Variants in KCTD15 observed in about 807,000 individuals in gnomAD.
KCTD15 encodes the protein BTB/POZ domain-containing protein KCTD15.
KCTD15 carries 11 observed loss-of-function variants against 27.2 expected under a neutral mutation model. The ratio of observed to expected loss-of-function variants is 0.41; its 90% confidence interval spans 0.25 to 0.67. The LOEUF (loss-of-function observed/expected upper bound fraction) is 0.67. Ranked by LOEUF, KCTD15 falls within the 30% of genes least tolerant of loss-of-function variation. KCTD15 has a pLI of 0.35. For synonymous variants in KCTD15, 163 were observed against 176.0 expected (o/e 0.93, Z 0.58); for missense variants, 350 against 409.3 (o/e 0.86, Z 1.25).
At chr19:33,808,375 A>G (rs371135586) in intron 5 of KCTD15, among the ~76,000 whole-genome samples, 45 of 151,190 alleles carry the variant, frequency 3.0e-4, no homozygotes, top group African/African-American at 1.1e-3. Flanking sequence ...CTTGAAGTCC[A>G]TGTGACCTGG....
intron 1 of KCTD15, chr19:33,797,427 C>G (rs1300012056): frequency 6.6e-6 from 3 of 453,986 alleles, no homozygotes; most frequent in Non-Finnish European, 1.3e-5. Flanking sequence ...CCCGGCTTGG[C>G]GCCCAAAATC....
At chr19:33,805,873 A>T (rs1975694667) in intron 4 of KCTD15, among the ~76,000 whole-genome samples, 3 of 152,180 alleles carry the variant, frequency 2.0e-5, no homozygotes, top group African/African-American at 7.2e-5. Context: ...CCTGGCTCTG[A>T]GGCCTGGCTC....
At chr19:33,810,219 GTC>G (rs1216040910) in intron 5 of KCTD15, among the ~76,000 whole-genome samples, 2 of 152,206 alleles carry the variant, frequency 1.3e-5, no homozygotes, top group Middle Eastern at 3.2e-3. Context: ...CTGAGGGACA[GTC>G]TGTGCGAGGC....
At chr19:33,796,784 C>G (rs1189404943), upstream of KCTD15, 1 of 108,576 alleles carries the variant, frequency 9.2e-6, no homozygotes, top group African/African-American at 3.6e-5. Context: ...CCCGGCGCGC[C>G]GCGCCGCGAG....
In KCTD15 at chr19:33,813,479, ACCAGCTGCCTGGCATTCAGGC is replaced by A. The variant is rs1378599979; in HGVS notation, c.*536_*556del. On this transcript the variant is annotated 3_prime_UTR_variant, in exon 7 of 7. Coordinates refer to ENST00000683859, the MANE Select transcript of KCTD15 (RefSeq NM_001129994.2). ...GACGTGCAGCATGGCTGCAGGGTGG[ACCAGCTGCCTGGCATTCAGGC>A]CCAGATGCCTGCAGGGCTGGGGCTC... 1 of 440,262 alleles carries A rather than the reference ACCAGCTGCCTGGCATTCAGGC, an allele frequency of 2.3e-6. No individual in the cohort carries two copies. Among genetic ancestry groups the A allele is most frequent in the African/African-American group, 2.0e-5 (1 of 49,440 alleles). The allele number at this position is 440,262 out of a possible 1,614,324, so 27.3% of individuals were successfully genotyped here.
At chr19:33,803,198 A>G (rs1241638351) in intron 4 of KCTD15, among the ~76,000 whole-genome samples, 1 of 152,084 alleles carries the variant, frequency 6.6e-6, no homozygotes, top group African/African-American at 2.4e-5. Flanking sequence ...GTAGGCCTGA[A>G]GCTTTGGACT....
chr19:33,811,508 A>G lies in KCTD15; in HGVS notation c.649A>G (p.Ile217Val), dbSNP rs750989814. 5 of 1,610,658 alleles carry G rather than the reference A, an allele frequency of 3.1e-6. No homozygotes were observed. The East Asian group carries it at 1.1e-4, about 36-fold the overall frequency. ...AGWNQDPTHV[I>V]RFPLNGYCRL... ...CTGGAACCAGGACCCCACGCACGTC[A>G]TCCGCTTCCCGCTCAATGGCTACTG... is the stretch of plus-strand genomic sequence containing the variant. The change falls in exon 6 of 7, where the codon ATC becomes GTC. Residue 217 changes from isoleucine to valine, a missense_variant. Ile to Val is a conservative substitution (Grantham distance 29, BLOSUM62 3). This residue lies in a region of KCTD15 where 219 missense variants were observed against 234.9 expected (regional missense o/e 0.93). Transcript: ENST00000683859.
chr19:33,812,502 T>C, intron 6 of KCTD15: 2 of 1,218,824 alleles, frequency 1.6e-6, no homozygotes, highest in African/African-American at 1.6e-5. Context: ...AAGCCTCTTT[T>C]TGCCTCCCGG....
At chr19:33,801,926 G>C (rs978264956) in intron 4 of KCTD15, among the ~76,000 whole-genome samples, 1 of 152,170 alleles carries the variant, frequency 6.6e-6, no homozygotes, top group African/African-American at 2.4e-5. Flanking sequence ...GCAGTGACTA[G>C]CTAGGAATGA....
chr19:33,806,894 A>G lies in KCTD15; in HGVS notation c.274A>G (p.Ile92Val), dbSNP rs1375742894. ...ISRLFNGTEP[I>V]VLDSLKQHYF... ...CCGCCTCTTCAATGGCACTGAACCC[A>G]TCGTCCTGGACAGTTTGAAGCAACA... The change falls in exon 5 of 7, where the codon ATC becomes GTC. Residue 92 changes from isoleucine (I) to valine (V), a missense_variant. Coordinates refer to ENST00000683859, the MANE Select transcript of KCTD15 (RefSeq NM_001129994.2). The G allele has an allele frequency of 5.6e-6, 9 of 1,614,030 alleles. No individual in the cohort carries two copies. Among genetic ancestry groups the G allele is most frequent in the Non-Finnish European group, 7.6e-6 (9 of 1,180,010 alleles).
chr19:33,803,863 A>C (rs971359306), intron 4 of KCTD15, among the ~76,000 whole-genome samples: 5 of 151,858 alleles, frequency 3.3e-5, no homozygotes, highest in African/African-American at 1.2e-4. Flanking sequence ...AAAAGGAAAT[A>C]AACGAGAAGA....
chr19:33,797,426 G>A (rs1391598769), intron 1 of KCTD15: 3 of 454,298 alleles, frequency 6.6e-6, no homozygotes, highest in Non-Finnish European at 1.3e-5. Context: ...TCCCGGCTTG[G>A]CGCCCAAAAT....
chr19:33,807,475 G>A (rs1192552157), intron 5 of KCTD15, among the ~76,000 whole-genome samples: 2 of 152,220 alleles, frequency 1.3e-5, no homozygotes, highest in Non-Finnish European at 2.9e-5. Context: ...TGTAATCCCA[G>A]CACTTTGGGA....
intron 5 of KCTD15, among the ~76,000 whole-genome samples, chr19:33,808,036 C>A (rs150364611): frequency 6.6e-6 from 1 of 152,216 alleles, no homozygotes; most frequent in East Asian, 1.9e-4. Context: ...AAAAGGTTAA[C>A]CCCCAGGTCT....
chr19:33,812,393 A>T (rs1469765988), intron 6 of KCTD15: 1 of 1,038,382 alleles, frequency 9.6e-7, no homozygotes, highest in Non-Finnish European at 1.2e-6. Context: ...AAGGACAGGG[A>T]ACTCTCCATT....
At chr19:33,812,277 T>C in intron 6 of KCTD15, 1 of 1,017,500 alleles carries the variant, frequency 9.8e-7, no homozygotes, top group Non-Finnish European at 1.2e-6. Context: ...TTGAGAGGAC[T>C]TCTCCTTTTT....
intron 6 of KCTD15, chr19:33,811,849 A>G (rs374725548): frequency 7.5e-6 from 12 of 1,605,350 alleles, no homozygotes; most frequent in Non-Finnish European, 9.3e-6. Context: ...TTTGACACCC[A>G]GAGTCTGACT....
intron 5 of KCTD15, 47 bp from the exon 6 acceptor site, chr19:33,811,200 A>AC: frequency 4.4e-6 from 1 of 228,660 alleles, no homozygotes; most frequent in Non-Finnish European, 7.1e-6. Context: ...TTCCCCCACC[A>AC]CCCCTACTCC....
intron 4 of KCTD15, among the ~76,000 whole-genome samples, chr19:33,806,223 G>A (rs571030217): frequency 3.3e-5 from 5 of 152,058 alleles, no homozygotes; most frequent in South Asian, 2.1e-4. Flanking sequence ...CTGAGTGAGC[G>A]GCAGTAGGGG....
Sources: gnomAD v4.1 joint callset for allele counts (sites outside exome capture counted in the v4.1 genomes callset) on GRCh38, gnomAD v4.1.1 for gene constraint, gnomAD v4.1.1 regional missense constraint, MANE v1.5 for transcripts, NCBI Gene and HGNC (gene_info 2026-07-23, HGNC 2026-07-21) for gene names.